Variants in CUX1 observed in about 807,000 individuals in gnomAD.
CUX1 encodes protein CASP.
A neutral mutation model predicts 158.8 loss-of-function variants in CUX1; 31 were observed. That is an observed-to-expected ratio of 0.20 (90% confidence interval 0.15 to 0.26). CUX1 has a LOEUF of 0.26. CUX1 is among the 10% of genes least tolerant of loss of function. The probability of loss-of-function intolerance (pLI) is 1.00; values close to 1 mark genes in which losing one functional copy is unlikely to be tolerated. For missense variants in CUX1, 1,589 were observed against 2,014.6 expected, an observed-to-expected ratio of 0.79 and a Z score of 4.04; for synonymous variants, 879 against 862.1, an observed-to-expected ratio of 1.02 and a Z score of -0.34.
At chr7:102,204,120 G>C (rs1554520441) in intron 18 of CUX1, among the ~76,000 whole-genome samples, 1 of 152,192 alleles carries the variant, frequency 6.6e-6, no homozygotes, top group Non-Finnish European at 1.5e-5. Flanking sequence ...CAAGACCCTG[G>C]GATGAGACCC....
intron 11 of CUX1, among the ~76,000 whole-genome samples, chr7:102,187,844 G>A (rs919509781): frequency 6.6e-6 from 1 of 152,076 alleles, no homozygotes; most frequent in African/African-American, 2.4e-5. Context: ...TTGGGATTTG[G>A]ATGGTGCCAT....
chr7:102,156,044 A>G (rs549234391), intron 8 of CUX1, among the ~76,000 whole-genome samples: 1 of 152,346 alleles, frequency 6.6e-6, no homozygotes, highest in Admixed American at 6.5e-5. Context: ...TACAATGAAC[A>G]TTGAACCCGA....
At chr7:102,096,329 G>A (rs1554484113) in intron 4 of CUX1, among the ~76,000 whole-genome samples, 1 of 141,696 alleles carries the variant, frequency 7.1e-6, no homozygotes, top group Non-Finnish European at 1.5e-5. Flanking sequence ...AATGGAAAGT[G>A]GTCATGTCAT....
At chr7:101,875,584 G>C (rs929418286) in intron 1 of CUX1, among the ~76,000 whole-genome samples, 4 of 152,120 alleles carry the variant, frequency 2.6e-5, no homozygotes, top group Admixed American at 6.5e-5. Flanking sequence ...GTGGTGTTTT[G>C]TTTGCTGTTT....
chr7:101,835,315 C>G (rs904895877), intron 1 of CUX1, among the ~76,000 whole-genome samples: 1 of 152,214 alleles, frequency 6.6e-6, no homozygotes, highest in East Asian at 1.9e-4. Context: ...TTGACTCATG[C>G]ACCTGTCTGG....
At chr7:102,130,551 G>A (rs1833101891) in intron 8 of CUX1, among the ~76,000 whole-genome samples, 1 of 151,870 alleles carries the variant, frequency 6.6e-6, no homozygotes, top group South Asian at 2.1e-4. Context: ...CGTGGTGACG[G>A]GAGCTTGTAA....
intron 3 of CUX1, among the ~76,000 whole-genome samples, chr7:102,060,859 A>G (rs1002296387): frequency 3.2e-5 from 4 of 125,752 alleles, no homozygotes; most frequent in African/African-American, 9.5e-5. Flanking sequence ...TGATCTGCCC[A>G]CCTCAGCCTC....
Position 101,988,210 on chromosome 7 carries a change from CA to C in CUX1, c.142-39877del, listed in dbSNP as rs5886211. On this transcript the variant is annotated intron_variant, in intron 2 of 23. Coordinates refer to ENST00000292535, the MANE Select transcript of CUX1 (RefSeq NM_181552.4). ...TGGGCAACAGAGCGAGAATCTGTTT[CA>C]AAAAAAAAAAGAAGAAGAAGCTGTT... Among the ~76,000 whole-genome samples, 179 of 146,426 alleles carry C rather than the reference CA, an allele frequency of 1.2e-3. 2 individuals carry two copies. Among genetic ancestry groups the C allele is most frequent in the African/African-American group, 1.2e-3 (48 of 39,784 alleles).
At chr7:102,167,417 G>A (rs1791172462) in intron 9 of CUX1, among the ~76,000 whole-genome samples, 1 of 152,220 alleles carries the variant, frequency 6.6e-6, no homozygotes. Context: ...TTGAGACCAT[G>A]TAGGCTCCCG....
chr7:102,111,954 CACTG>C (rs1322763536), intron 7 of CUX1, 180 bp downstream of exon 7: 1 of 581,858 alleles, frequency 1.7e-6, no homozygotes, highest in Non-Finnish European at 3.1e-6. Flanking sequence ...CCTCATTCCT[CACTG>C]ACTTTGAGTT....
chr7:101,825,805 GCGCGCGCA>G (rs1793221887), intron 1 of CUX1, among the ~76,000 whole-genome samples: 1 of 138,864 alleles, frequency 7.2e-6, no homozygotes, highest in African/African-American at 3.2e-5. Flanking sequence ...GTGTGCGCGC[GCGCGCGCA>G]GTTAGTCTTC....
chr7:102,142,617 C>T (rs1376333661), intron 8 of CUX1, among the ~76,000 whole-genome samples: 1 of 150,750 alleles, frequency 6.6e-6, no homozygotes, highest in African/African-American at 2.4e-5. Flanking sequence ...AGAGCAAGAC[C>T]CTGTCTCTAC....
At chr7:101,860,458 A>G (rs569520619) in intron 1 of CUX1, among the ~76,000 whole-genome samples, 1 of 152,366 alleles carries the variant, frequency 6.6e-6, no homozygotes, top group South Asian at 2.1e-4. Flanking sequence ...AATGAACAAT[A>G]TGAAGGATGA....
chr7:101,964,214 G>A (rs572944966), intron 2 of CUX1, among the ~76,000 whole-genome samples: 6 of 151,990 alleles, frequency 3.9e-5, no homozygotes, highest in South Asian at 2.1e-4. Context: ...TTAGCCTGGC[G>A]CAGTGGTGAG....
chr7:101,921,237 C>T (rs11977398), intron 2 of CUX1, among the ~76,000 whole-genome samples: 33,735 of 152,022 alleles, frequency 0.22, 4,169 homozygotes, highest in East Asian at 0.5. Flanking sequence ...AACAGGGCCC[C>T]GCTCGCAGGG....
At chr7:102,206,091 C>T (rs1586210861) in intron 20 of CUX1, among the ~76,000 whole-genome samples, 1 of 152,220 alleles carries the variant, frequency 6.6e-6, no homozygotes, top group Non-Finnish European at 1.5e-5. Flanking sequence ...TTGCCGCAAG[C>T]TCCACGAGGG....
intron 14 of CUX1, among the ~76,000 whole-genome samples, chr7:102,266,632 G>C (rs575739941): frequency 7.2e-5 from 11 of 152,230 alleles, no homozygotes; most frequent in South Asian, 4.1e-4. Flanking sequence ...GCGGCAAGAA[G>C]CTTAGCAGGG....
At position 102,252,422 on chromosome 7, in the gene CUX1, G is replaced by A. The variant is rs1184210535; in HGVS notation, c.*3380G>A. 5 of 985,334 alleles carry A rather than the reference G, an allele frequency of 5.1e-6. No individual in the cohort carries two copies. The highest frequency in any genetic ancestry group is 6.0e-6 in the Non-Finnish European group (5 of 829,948). 61.0% of individuals were successfully genotyped at this position (985,334 alleles called of 1,614,324 possible). ...TCTTCACGCTCTATGAGTTTAAAAA[G>A]CTGATTTGTACCTCTCCCCTGGGGG... On this transcript the variant is annotated 3_prime_UTR_variant, in exon 24 of 24. Transcript: ENST00000292535.
intron 2 of CUX1, among the ~76,000 whole-genome samples, chr7:102,026,629 A>G (rs1269351417): frequency 2.0e-5 from 3 of 151,394 alleles, no homozygotes; most frequent in Non-Finnish European, 4.4e-5. Flanking sequence ...AGAACAGCCT[A>G]GCCAACATGG....
Sources: allele counts gnomAD v4.1 joint callset (sites outside exome capture counted in the v4.1 genomes callset), GRCh38; gene constraint gnomAD v4.1.1; transcripts MANE v1.5; gene names NCBI Gene and HGNC (gene_info 2026-07-23, HGNC 2026-07-21).